Variants in PDE11A observed in about 807,000 individuals in gnomAD.
PDE11A encodes the protein dual 3',5'-cyclic-AMP and -GMP phosphodiesterase 11A.
PDE11A carries 100 observed loss-of-function variants against 100.5 expected under a neutral mutation model. The observed-to-expected ratio is 1.00, with a 90% CI of 0.85 to 1.18. The LOEUF (loss-of-function observed/expected upper bound fraction) is 1.18. PDE11A is among the 50% of genes most tolerant of loss of function. The probability of loss-of-function intolerance (pLI) is 0.00; values close to 1 mark genes in which losing one functional copy is unlikely to be tolerated. For missense variants in PDE11A, 1,141 were observed against 1,152.6 expected (o/e 0.99, Z 0.15); for synonymous variants, 381 against 420.8 (o/e 0.91, Z 1.16).
rs3073403 is a variant in PDE11A at position 177,980,975 on chromosome 2, T to TACACAC, written c.1071+33321_1071+33326dup. ...CGACCTTAAACCAGTGAGAACTAGA[T>TACACAC]ACACACACACACACACACACACACA... On this transcript the variant is annotated intron_variant, in intron 2 of 19. Coordinates refer to ENST00000286063, the MANE Select transcript of PDE11A (RefSeq NM_016953.4). Among the ~76,000 whole-genome samples, 821 of 129,770 alleles carry TACACAC rather than the reference T, an allele frequency of 6.3e-3. 19 individuals carry two copies. Among genetic ancestry groups the TACACAC allele is most frequent in the Non-Finnish European group, 9.9e-3 (583 of 58,794 alleles). 85.1% of individuals were successfully genotyped at this position (129,770 alleles called of 152,430 possible).
At position 177,712,342 on chromosome 2, in the gene PDE11A, CTT is replaced by C. The variant is rs35906687; in HGVS notation, c.2044-466_2044-465del. ...CAGGCAGAAGGAGAACACAACCCTT[CTT>C]TTTTTTTTTTTTTTTAACATTAAAA... On this transcript the variant is annotated intron_variant, in intron 12 of 19. Coordinates refer to ENST00000286063, the MANE Select transcript of PDE11A (RefSeq NM_016953.4). 3.4e-3 allele frequency among the ~76,000 whole-genome samples: 476 copies of C among 139,746 alleles called. 2 individuals are homozygous for C. The highest frequency in any genetic ancestry group is 0.011 in the African/African-American group (430 of 37,804). 91.7% of individuals were successfully genotyped at this position (139,746 alleles called of 152,430 possible). A position where few individuals can be genotyped will look rare whatever the true frequency, so the allele number is the denominator to read the frequency against.
intron 2 of PDE11A, among the ~76,000 whole-genome samples, chr2:178,090,109 C>T (rs150432463): frequency 5.9e-5 from 9 of 152,228 alleles, no homozygotes; most frequent in Non-Finnish European, 1.3e-4. Flanking sequence ...CTCTTGTGAC[C>T]AGCCCTAACT....
chr2:177,888,648 G>T, intron 4 of PDE11A: 2 of 933,484 alleles, frequency 2.1e-6, no homozygotes, highest in Non-Finnish European at 1.3e-6. Context: ...ACAAAACCAA[G>T]CCATGCATGT....
chr2:177,750,915 C>A (rs1412547386), intron 10 of PDE11A, among the ~76,000 whole-genome samples: 1 of 152,116 alleles, frequency 6.6e-6, no homozygotes, highest in Non-Finnish European at 1.5e-5. Context: ...ATTACAGAAT[C>A]GCCTGGGGGC....
At chr2:177,942,588 G>A (rs2085358013) in intron 2 of PDE11A, among the ~76,000 whole-genome samples, 1 of 151,986 alleles carries the variant, frequency 6.6e-6, no homozygotes, top group African/African-American at 2.4e-5. Context: ...TTTTAGAAGA[G>A]ATGGGGTTTC....
intron 9 of PDE11A, among the ~76,000 whole-genome samples, chr2:177,793,346 T>C (rs567497287): frequency 6.6e-6 from 1 of 151,980 alleles, no homozygotes; most frequent in Non-Finnish European, 1.5e-5. Context: ...ATTCATTCCC[T>C]TGGGGTAGTA....
intron 2 of PDE11A, among the ~76,000 whole-genome samples, chr2:177,955,518 C>A (rs965200651): frequency 6.6e-6 from 1 of 152,108 alleles, no homozygotes; most frequent in African/African-American, 2.4e-5. Context: ...ACAGTGCTTC[C>A]CAATTAATGT....
Position 177,633,783 on chromosome 2 carries a change from C to A in PDE11A, c.2647-4221G>T, listed in dbSNP as rs546895146. On this transcript the variant is annotated intron_variant, in intron 19 of 19. Transcript: ENST00000286063. ...CCAGCTCCTCTTTACTCTGATCAAG[C>A]CTTTTAATTAAACTGACTACTATAA... Among the ~76,000 whole-genome samples the A allele has an allele frequency of 5.9e-5, 9 of 152,214 alleles. No individual in the cohort carries two copies. In the South Asian group the frequency reaches 1.7e-3, roughly 28 times the overall value.
intron 2 of PDE11A, among the ~76,000 whole-genome samples, chr2:177,989,284 T>C (rs1035423102): frequency 7.9e-5 from 12 of 152,192 alleles, no homozygotes; most frequent in African/African-American, 2.7e-4. Flanking sequence ...CCTAAAGCAA[T>C]ATCAATCCTG....
intron 1 of PDE11A, among the ~76,000 whole-genome samples, chr2:178,029,586 C>T (rs1229811623): frequency 6.6e-6 from 1 of 151,536 alleles, no homozygotes; most frequent in Non-Finnish European, 1.5e-5. Flanking sequence ...ATCATCCAAC[C>T]ATAAGGAGTT....
chr2:178,073,083 G>T, upstream of PDE11A: 1 of 985,372 alleles, frequency 1.0e-6, no homozygotes, highest in Non-Finnish European at 1.2e-6. Flanking sequence ...GCGTTTCGAG[G>T]AGGCCCAGCG....
chr2:178,031,084 TCTTTATA>T (rs1293776267), intron 1 of PDE11A, among the ~76,000 whole-genome samples: 3 of 152,164 alleles, frequency 2.0e-5, no homozygotes, highest in South Asian at 4.1e-4. Context: ...AAAATTCATA[TCTTTATA>T]AAGGCAGAAA....
intron 9 of PDE11A, among the ~76,000 whole-genome samples, chr2:177,802,056 T>A (rs2082802983): frequency 6.6e-6 from 1 of 151,718 alleles, no homozygotes; most frequent in Non-Finnish European, 1.5e-5. Context: ...GGCAAAAAAA[T>A]TGGACAGCTC....
chr2:177,928,190 G>A (rs1198451642), intron 2 of PDE11A, among the ~76,000 whole-genome samples: 1 of 149,536 alleles, frequency 6.7e-6, no homozygotes, highest in East Asian at 2.0e-4. Flanking sequence ...AAAGCTTTAT[G>A]ACAATCACTT....
At position 177,816,869 on chromosome 2, in the gene PDE11A, T is replaced by G; in HGVS notation, c.1697A>C (p.Gln566Pro). ...CTGCTTGGCCCAGGACTTCTTCACT[T>G]GATCATACATAATTGTGTTGTTGAT... ...LGINNTIMYD[Q>P]VKKSWAKQSV... The change falls in exon 9 of 20, where the codon CAA (glutamine) becomes CCA (proline). Residue 566 changes from glutamine to proline, a missense_variant. Physicochemically the swap from Gln to Pro is moderately conservative, Grantham distance 76. Coordinates refer to ENST00000286063, the MANE Select transcript of PDE11A (RefSeq NM_016953.4). The G allele has an allele frequency of 6.2e-7, 1 of 1,611,030 alleles. No individual in the cohort carries two copies. Among genetic ancestry groups the G allele is most frequent in the Non-Finnish European group, 8.5e-7 (1 of 1,177,244 alleles).
intron 6 of PDE11A, among the ~76,000 whole-genome samples, chr2:177,833,396 G>T (rs749401601): frequency 2.0e-5 from 3 of 152,198 alleles, no homozygotes; most frequent in Non-Finnish European, 4.4e-5. Flanking sequence ...ATGAGTTCAT[G>T]TACCTGTGAG....
At chr2:177,864,567 T>C (rs1256507991) in intron 5 of PDE11A, among the ~76,000 whole-genome samples, 1 of 152,102 alleles carries the variant, frequency 6.6e-6, no homozygotes, top group African/African-American at 2.4e-5. Context: ...TTGATGTGAA[T>C]TGTGGCAGAG....
At chr2:177,892,297 G>A (rs570155907) in intron 4 of PDE11A, among the ~76,000 whole-genome samples, 4 of 151,386 alleles carry the variant, frequency 2.6e-5, no homozygotes, top group South Asian at 2.1e-4. Context: ...AGCTTCTTAC[G>A]GTTTTTTTCC....
At chr2:178,107,911 G>C (rs1038810433) in intron 1 of PDE11A, among the ~76,000 whole-genome samples, 1 of 151,798 alleles carries the variant, frequency 6.6e-6, no homozygotes, top group Non-Finnish European at 1.5e-5. Context: ...TAGTAGAGAC[G>C]GGGTTTCACC....
Sources: gnomAD v4.1 joint callset for allele counts (sites outside exome capture counted in the v4.1 genomes callset) on GRCh38, gnomAD v4.1.1 for gene constraint, MANE v1.5 for transcripts, NCBI Gene and HGNC (gene_info 2026-07-23, HGNC 2026-07-21) for gene names.